The following XIRP2 variants were observed in gnomAD, a reference collection of about 807,000 sequenced individuals.
XIRP2 encodes the protein xin actin binding repeat containing 2.
A neutral mutation model predicts 277.0 loss-of-function variants in XIRP2; 236 were observed. The observed-to-expected ratio is 0.85, with a 90% CI of 0.77 to 0.95. The LOEUF (loss-of-function observed/expected upper bound fraction) is 0.95. Among genes scored for constraint, XIRP2 ranks in the 40% least tolerant of loss-of-function variants. The pLI is 0.00. For synonymous variants in XIRP2, 1,490 were observed against 1,416.5 expected (o/e 1.05, Z -1.17); for missense variants, 4,640 against 4,157.5 (o/e 1.12, Z -3.19).
chr2:166,924,166 G>A (rs1409838759), intron 2 of XIRP2, among the ~76,000 whole-genome samples: 1 of 152,036 alleles, frequency 6.6e-6, no homozygotes, highest in Non-Finnish European at 1.5e-5. Flanking sequence ...AATACATTAG[G>A]AGATCCACTT....
Position 167,250,600 on chromosome 2 carries a change from A to T in XIRP2, c.9208A>T (p.Lys3070Ter). The T allele has an allele frequency of 1.2e-6, 2 of 1,613,408 alleles. No homozygotes were observed. Among genetic ancestry groups the T allele is most frequent in the Admixed American group, 1.7e-5 (1 of 59,934 alleles). Residue 3070 changes from lysine (K) to a stop codon, truncating the protein, a stop_gained, in exon 9 of 11, where the codon AAA becomes TAA. Coordinates refer to ENST00000409195, the MANE Select transcript of XIRP2 (RefSeq NM_152381.6). LOFTEE classifies it high-confidence loss of function. ...HVSNNKNSEQ[K>*]ENKIAKEKTV... Reference sequence around the variant, plus strand: ...CAGCAATAATAAAAATAGTGAACAGAAAGAAAATAAAATTGCCAAAGAGAA... The same window carrying T: ...CAGCAATAATAAAAATAGTGAACAGTAAGAAAATAAAATTGCCAAAGAGAA...
chr2:166,904,807 C>T (rs999789239), intron 2 of XIRP2, among the ~76,000 whole-genome samples: 2 of 151,958 alleles, frequency 1.3e-5, no homozygotes, highest in African/African-American at 4.8e-5. Flanking sequence ...ATTTGGTTTT[C>T]ACCTAATGAC....
chr2:166,926,616 C>G (rs1359065914), intron 2 of XIRP2, among the ~76,000 whole-genome samples: 1 of 152,082 alleles, frequency 6.6e-6, no homozygotes, highest in African/African-American at 2.4e-5. Flanking sequence ...CACTAGTGTC[C>G]TATTTGACAG....
In XIRP2 at chr2:167,258,751, C is replaced by T. The variant is rs1265458839; in HGVS notation, c.*934C>T. The T allele has an allele frequency of 1.2e-6, 2 of 1,613,260 alleles. No homozygotes were observed. Among genetic ancestry groups the T allele is most frequent in the East Asian group, 2.2e-5 (1 of 44,814 alleles). On this transcript the variant is annotated 3_prime_UTR_variant, in exon 11 of 11. Coordinates refer to ENST00000409195, the MANE Select transcript of XIRP2 (RefSeq NM_152381.6). The stretch of plus-strand genomic sequence containing the variant: ...TTTTAGAATTTCTTGATCTATTACC[C>T]TTGTCGAGTGAAGCAAATGACACTG...
chr2:166,959,276 G>GC (rs1487438750), intron 2 of XIRP2, among the ~76,000 whole-genome samples: 1 of 151,780 alleles, frequency 6.6e-6, no homozygotes, highest in Non-Finnish European at 1.5e-5. Flanking sequence ...CTGAAAAGCT[G>GC]CCCCTGGAGA....
At chr2:166,966,714 C>T (rs1364797038) in intron 2 of XIRP2, among the ~76,000 whole-genome samples, 1 of 151,906 alleles carries the variant, frequency 6.6e-6, no homozygotes, top group Non-Finnish European at 1.5e-5. Context: ...AAATGTGGAC[C>T]TTTGAATCAT....
At chr2:167,026,545 A>T (rs1688165921) in intron 2 of XIRP2, among the ~76,000 whole-genome samples, 1 of 152,148 alleles carries the variant, frequency 6.6e-6, no homozygotes, top group African/African-American at 2.4e-5. Context: ...GTTTCTTCCT[A>T]GCCTAGATGG....
chr2:166,929,703 T>C (rs1685277745), intron 2 of XIRP2, among the ~76,000 whole-genome samples: 1 of 152,198 alleles, frequency 6.6e-6, no homozygotes, highest in African/African-American at 2.4e-5. Flanking sequence ...TCTGTTTTGT[T>C]CTTTAATTTC....
At chr2:166,946,411 C>T (rs1363659894) in intron 2 of XIRP2, among the ~76,000 whole-genome samples, 1 of 152,072 alleles carries the variant, frequency 6.6e-6, no homozygotes, top group Non-Finnish European at 1.5e-5. Flanking sequence ...ATCTACTTTT[C>T]CTTTTATTTC....
At chr2:167,109,430 G>A (rs1185861204) in intron 2 of XIRP2, among the ~76,000 whole-genome samples, 5 of 152,126 alleles carry the variant, frequency 3.3e-5, no homozygotes, top group East Asian at 3.9e-4. Context: ...ACAGGCATGT[G>A]CCACCATGCC....
intron 3 of XIRP2, among the ~76,000 whole-genome samples, chr2:167,157,154 CAA>C (rs1464079573): frequency 6.7e-6 from 1 of 149,848 alleles, no homozygotes; most frequent in African/African-American, 2.5e-5. Flanking sequence ...AATAGACACT[CAA>C]CACAGTTTAT....
chr2:167,258,005 G>A lies in XIRP2; in HGVS notation c.*188G>A, dbSNP rs921152616. ...CTGCAAAAACCAAAGCAGATCAGTG[G>A]ACTTTATTCCTAATGAAGAACCAAA... On this transcript the variant is annotated 3_prime_UTR_variant, in exon 11 of 11. Coordinates refer to ENST00000409195, the MANE Select transcript of XIRP2 (RefSeq NM_152381.6). 2 of 1,613,144 alleles carry A rather than the reference G, an allele frequency of 1.2e-6. No individual in the cohort carries two copies. Among genetic ancestry groups the A allele is most frequent in the African/African-American group, 1.3e-5 (1 of 74,938 alleles).
intron 2 of XIRP2, among the ~76,000 whole-genome samples, chr2:167,046,665 A>T (rs1688796069): frequency 6.6e-6 from 1 of 152,068 alleles, no homozygotes; most frequent in Non-Finnish European, 1.5e-5. Flanking sequence ...AAATGACTTG[A>T]CATGGGAACA....
intron 3 of XIRP2, among the ~76,000 whole-genome samples, chr2:167,148,332 A>C (rs1056326875): frequency 1.3e-4 from 19 of 151,514 alleles, no homozygotes; most frequent in Non-Finnish European, 2.6e-4. Flanking sequence ...CAGTGAGCCG[A>C]GATCGCACCA....
chr2:167,123,491 G>GA (rs1179448104), intron 2 of XIRP2, among the ~76,000 whole-genome samples: 1 of 148,168 alleles, frequency 6.7e-6, no homozygotes, highest in Non-Finnish European at 1.5e-5. Flanking sequence ...CCAGAGAAGA[G>GA]AAAAAAACTT....
At chr2:166,982,322 T>G (rs907391342) in intron 2 of XIRP2, among the ~76,000 whole-genome samples, 1 of 131,134 alleles carries the variant, frequency 7.6e-6, no homozygotes, top group African/African-American at 3.2e-5. Flanking sequence ...TACAGTTTTT[T>G]TTTTTAAAAA....
chr2:167,187,397 T>C, intron 3 of XIRP2: 1 of 985,352 alleles, frequency 1.0e-6, no homozygotes, highest in Non-Finnish European at 1.2e-6. Flanking sequence ...GGAGCGGGCC[T>C]CCACTGCACC....
At chr2:167,077,625 G>A (rs181918126) in intron 2 of XIRP2, among the ~76,000 whole-genome samples, 19 of 152,296 alleles carry the variant, frequency 1.2e-4, no homozygotes, top group African/African-American at 4.6e-4. Context: ...TGAGTAAAGA[G>A]CTGAAAGTCT....
intron 2 of XIRP2, among the ~76,000 whole-genome samples, chr2:166,987,520 G>A (rs1687038378): frequency 6.6e-6 from 1 of 152,118 alleles, no homozygotes; most frequent in African/African-American, 2.4e-5. Context: ...TATTTTCACT[G>A]TCAAGTCATT....
Sources: gnomAD v4.1 joint callset for allele counts (sites outside exome capture counted in the v4.1 genomes callset) on GRCh38, gnomAD v4.1.1 for gene constraint, MANE v1.5 for transcripts, NCBI Gene and HGNC (gene_info 2026-07-23, HGNC 2026-07-21) for gene names.